MAPK14: variants seen among roughly 807,000 people sequenced by gnomAD.
MAPK14 encodes CSAID-binding protein.
MAPK14 carries 16 observed loss-of-function variants against 49.6 expected under a neutral mutation model. The observed-to-expected ratio is 0.32, with a 90% CI of 0.22 to 0.49. The LOEUF (loss-of-function observed/expected upper bound fraction) is 0.49. MAPK14 is among the 20% of genes least tolerant of loss of function. The pLI is 0.99. For synonymous variants in MAPK14, 142 were observed against 158.0 expected (o/e 0.90, Z 0.76); for missense variants, 200 against 441.2 (o/e 0.45, Z 4.90).
chr6:36,035,312 CTGTTGT>C (rs1484428638), intron 1 of MAPK14, among the ~76,000 whole-genome samples: 1 of 152,180 alleles, frequency 6.6e-6, no homozygotes, highest in African/African-American at 2.4e-5. Flanking sequence ...TTTGATGTTG[CTGTTGT>C]AATTGTTTTG....
intron 8 of MAPK14, among the ~76,000 whole-genome samples, chr6:36,093,036 A>G (rs1432209797): frequency 6.6e-6 from 1 of 152,202 alleles, no homozygotes. Context: ...AGAAGACTTC[A>G]TGGCAGAGTT....
chr6:36,032,269 G>A (rs1762573741), intron 1 of MAPK14, among the ~76,000 whole-genome samples: 1 of 152,032 alleles, frequency 6.6e-6, no homozygotes, highest in African/African-American at 2.4e-5. Context: ...AAAACAAGTA[G>A]AAGCCTGTGT....
At chr6:36,101,309 A>G (rs1362643520) in intron 9 of MAPK14, among the ~76,000 whole-genome samples, 1 of 152,122 alleles carries the variant, frequency 6.6e-6, no homozygotes, top group Non-Finnish European at 1.5e-5. Flanking sequence ...ATGATAGCAC[A>G]TGCCTGTAGT....
chr6:36,067,862 C>G, intron 3 of MAPK14, among the ~76,000 whole-genome samples: 1 of 152,048 alleles, frequency 6.6e-6, no homozygotes, highest in Non-Finnish European at 1.5e-5. Context: ...TGCCTACTAT[C>G]TATCAGACAC....
At position 36,061,518 on chromosome 6, in the gene MAPK14, A is replaced by G. The variant is rs1309538256; in HGVS notation, c.305+2171A>G. ...ATAAATACTATGGCTGTTGAGCAGGAATCCGTTCTTTCTATTTAACTCTAG... is the reference window on the plus strand; with the variant it reads ...ATAAATACTATGGCTGTTGAGCAGGGATCCGTTCTTTCTATTTAACTCTAG... On this transcript the variant is annotated intron_variant, in intron 3 of 11. Transcript: ENST00000229794. Among the ~76,000 whole-genome samples the G allele has an allele frequency of 2.6e-5, 4 of 152,322 alleles. No individual in the cohort carries two copies. The East Asian group carries it at 7.7e-4, about 29-fold the overall frequency.
chr6:36,028,950 G>C lies in MAPK14; in HGVS notation c.116+677G>C, dbSNP rs1762426232. On this transcript the variant is annotated intron_variant, in intron 1 of 11. Coordinates refer to ENST00000229794, the MANE Select transcript of MAPK14 (RefSeq NM_139012.3). This position sits in a 1 kb window ranked among gnomAD's most constrained non-coding sequence, Gnocchi z 5.1. Reference sequence around the variant, plus strand: ...AGCTTGAGTGGTGTGTTTCCGATTCGGTTGAAAGCGTATTTCCTTTCCGTG... The same window carrying C: ...AGCTTGAGTGGTGTGTTTCCGATTCCGTTGAAAGCGTATTTCCTTTCCGTG... 1 of 151,908 alleles carries C rather than the reference G, an allele frequency of 6.6e-6. No individual in the cohort carries two copies. Among genetic ancestry groups the C allele is most frequent in the Non-Finnish European group, 1.5e-5 (1 of 68,034 alleles). 9.4% of individuals were successfully genotyped at this position (151,908 alleles called of 1,614,324 possible).
intron 1 of MAPK14, among the ~76,000 whole-genome samples, chr6:36,044,793 C>T (rs897512208): frequency 2.0e-5 from 3 of 152,090 alleles, no homozygotes; most frequent in East Asian, 1.9e-4. Context: ...GAATATGGAG[C>T]TTATCTGTTT....
At chr6:36,091,582 C>G (rs903851972) in intron 8 of MAPK14, among the ~76,000 whole-genome samples, 2 of 152,182 alleles carry the variant, frequency 1.3e-5, no homozygotes, top group African/African-American at 2.4e-5. Flanking sequence ...ACTGCCTGGA[C>G]AAATCATAGT....
intron 8 of MAPK14, among the ~76,000 whole-genome samples, chr6:36,081,650 G>A (rs1226405897): frequency 6.6e-6 from 1 of 152,138 alleles, no homozygotes; most frequent in East Asian, 1.9e-4. Flanking sequence ...TAGCTTTATA[G>A]TAAGCTTTGA....
At chr6:36,056,682 T>G (rs971361223) in intron 2 of MAPK14, among the ~76,000 whole-genome samples, 9 of 152,258 alleles carry the variant, frequency 5.9e-5, no homozygotes, top group Middle Eastern at 3.2e-3. Flanking sequence ...TCTAATGATT[T>G]AGTTTTATTT....
chr6:36,103,538 C>G (rs536199838), intron 10 of MAPK14, among the ~76,000 whole-genome samples: 1 of 152,160 alleles, frequency 6.6e-6, no homozygotes, highest in African/African-American at 2.4e-5. Flanking sequence ...GAGACAGGGT[C>G]TCACCATCTT....
chr6:36,063,999 G>T (rs139485735), intron 3 of MAPK14, among the ~76,000 whole-genome samples: 1 of 151,956 alleles, frequency 6.6e-6, no homozygotes, highest in Non-Finnish European at 1.5e-5. Flanking sequence ...ATCTTAAATA[G>T]CCAATATTTG....
chr6:36,038,894 A>C (rs1200762789), intron 1 of MAPK14, among the ~76,000 whole-genome samples: 1 of 152,070 alleles, frequency 6.6e-6, no homozygotes, highest in African/African-American at 2.4e-5. Context: ...GGTTTTTCTT[A>C]CTTTTGGATC....
Position 36,062,638 on chromosome 6 carries a change from G to GT in MAPK14, c.305+3303dup, listed in dbSNP as rs67991248. 2.1e-3 allele frequency among the ~76,000 whole-genome samples: 299 copies of GT among 141,756 alleles called. 2 individuals carry two copies. Among genetic ancestry groups the GT allele is most frequent in the South Asian group, 0.014 (61 of 4,444 alleles). 93.0% of individuals were successfully genotyped at this position (141,756 alleles called of 152,430 possible). A position where few individuals can be genotyped will look rare whatever the true frequency, so the allele number is the denominator to read the frequency against. On this transcript the variant is annotated intron_variant, in intron 3 of 11. Transcript: ENST00000229794. ...CTCTATAATTACTTTCAGATTTATA[G>GT]TTTTTTTTTTTTCTTTTTCTTTTCT...
intron 2 of MAPK14, among the ~76,000 whole-genome samples, chr6:36,056,652 T>A (rs1380964614): frequency 1.3e-5 from 2 of 152,258 alleles, no homozygotes; most frequent in Admixed American, 6.5e-5. Context: ...GAGGTAACTC[T>A]TGCATGTGTA....
At chr6:36,102,800 G>A in intron 10 of MAPK14, 151 bp downstream of exon 10, 1 of 1,388,998 alleles carries the variant, frequency 7.2e-7, no homozygotes, top group Admixed American at 2.8e-5. Flanking sequence ...ATCTATTTGT[G>A]TTGTCAGATT....
chr6:36,123,225 CCTGCTTT>C, the MAPK14 span, among the ~76,000 whole-genome samples: 2 of 152,052 alleles, frequency 1.3e-5, no homozygotes, highest in African/African-American at 4.8e-5. Flanking sequence ...CAGGGAGGAA[CCTGCTTT>C]GGAGTGGATG....
In MAPK14 at chr6:36,028,020, C is replaced by T. The variant is rs1249060608; in HGVS notation, c.-138C>T. 3 of 471,516 alleles carry T rather than the reference C, an allele frequency of 6.4e-6. No homozygotes were observed. The highest frequency in any genetic ancestry group is 7.4e-6 in the Non-Finnish European group (2 of 270,356). The allele number at this position is 471,516 out of a possible 1,614,324, so 29.2% of individuals were successfully genotyped here. ...CCGCGCGCGCGGGAGTCTGCGGGGT[C>T]GCGGCAGCCGCACCTGCGCGGGCGA... On this transcript the variant is annotated 5_prime_UTR_variant, in exon 1 of 12. Transcript: ENST00000229794. The surrounding 1 kb of genome is among the most constrained non-coding windows in gnomAD (Gnocchi z 5.1).
chr6:36,108,674 GGTTGTGGAT>G lies in MAPK14; in HGVS notation c.*229_*237del, dbSNP rs1303756399. The G allele has an allele frequency of 1.8e-6, 1 of 543,708 alleles. No individual in the cohort carries two copies. Among genetic ancestry groups the G allele is most frequent in the Admixed American group, 3.1e-5 (1 of 32,476 alleles). The allele number at this position is 543,708 out of a possible 1,614,324, so 33.7% of individuals were successfully genotyped here. A position where few individuals can be genotyped will look rare whatever the true frequency, so the allele number is the denominator to read the frequency against. ...CTATGATCACAGTGACTTTACAGGA[GGTTGTGGAT>G]GCTCCAGGGCAGCCTCCACCTTGCT... On this transcript the variant is annotated 3_prime_UTR_variant, in exon 12 of 12. Transcript: ENST00000229794.
Sources: allele counts gnomAD v4.1 joint callset (sites outside exome capture counted in the v4.1 genomes callset), GRCh38; gene constraint gnomAD v4.1.1; non-coding constraint Gnocchi (gnomAD v3.1); transcripts MANE v1.5; gene names NCBI Gene and HGNC (gene_info 2026-07-23, HGNC 2026-07-21).